The following KAT2B variants were observed in gnomAD, a reference collection of about 807,000 sequenced individuals.
The protein encoded by KAT2B is lysine acetyltransferase 2B, also known as histone acetyltransferase KAT2B.
Under a neutral mutation model 105.9 loss-of-function variants are expected in KAT2B, and 36 were observed. The observed-to-expected ratio is 0.34, with a 90% confidence interval of 0.26 to 0.45. The LOEUF is 0.45. Among genes scored for constraint, KAT2B ranks in the 20% least tolerant of loss-of-function variants. The pLI, the probability that KAT2B is intolerant of heterozygous loss-of-function variation, is 1.00. For synonymous variants in KAT2B, 397 were observed against 377.9 expected (o/e 1.05, Z -0.59); for missense variants, 820 against 1,021.6 (o/e 0.80, Z 2.69).
chr3:20,145,255 C>A (rs1463517686), intron 13 of KAT2B, among the ~76,000 whole-genome samples: 1 of 152,066 alleles, frequency 6.6e-6, no homozygotes, highest in Non-Finnish European at 1.5e-5. Context: ...TTTAAAAATG[C>A]GGCTAGTAGA....
chr3:20,073,475 T>G (rs1341980633), intron 2 of KAT2B, among the ~76,000 whole-genome samples: 1 of 152,210 alleles, frequency 6.6e-6, no homozygotes, highest in Admixed American at 6.5e-5. Flanking sequence ...AGAGAGTATT[T>G]CAATATTTAC....
intron 17 of KAT2B, 107 bp from the exon 18 acceptor site, chr3:20,152,225 T>C: frequency 7.5e-6 from 5 of 670,262 alleles, no homozygotes; most frequent in Non-Finnish European, 1.2e-5. Flanking sequence ...ATTGGGATGA[T>C]AAAAATGTAA....
intron 13 of KAT2B, 71 bp downstream of exon 13, chr3:20,140,435 G>A: frequency 6.6e-7 from 1 of 1,507,730 alleles, no homozygotes; most frequent in Non-Finnish European, 9.1e-7. Context: ...CATTTCCTTG[G>A]GTGCTGCGTG....
intron 13 of KAT2B, among the ~76,000 whole-genome samples, chr3:20,143,538 AC>A (rs1206293937): frequency 2.6e-5 from 4 of 152,158 alleles, no homozygotes; most frequent in Non-Finnish European, 5.9e-5. Context: ...CTGAGCATAT[AC>A]CCGAAGGAAA....
intron 1 of KAT2B, among the ~76,000 whole-genome samples, chr3:20,066,289 A>G (rs554452502): frequency 6.6e-6 from 1 of 152,264 alleles, no homozygotes; most frequent in Admixed American, 6.5e-5. Context: ...AACGCCAGTC[A>G]TTGGTTTTAG....
intron 5 of KAT2B, among the ~76,000 whole-genome samples, chr3:20,105,800 GAAA>G (rs35102951): frequency 3.2e-5 from 3 of 94,424 alleles, no homozygotes; most frequent in South Asian, 7.4e-4. Flanking sequence ...GACCCTGTCT[GAAA>G]AAAAAAAAAA....
chr3:20,120,229 T>G (rs1319924854), intron 8 of KAT2B, among the ~76,000 whole-genome samples: 2 of 152,088 alleles, frequency 1.3e-5, no homozygotes, highest in African/African-American at 4.8e-5. Context: ...TTTTTTCCTT[T>G]TCTTTTCTTT....
intron 12 of KAT2B, among the ~76,000 whole-genome samples, chr3:20,139,939 C>A (rs539643189): frequency 1.3e-5 from 2 of 152,282 alleles, no homozygotes; most frequent in African/African-American, 4.8e-5. Context: ...CAAAATTAAA[C>A]CTAATTTTTA....
In KAT2B at chr3:20,153,575, C is replaced by G. The variant is rs1699903197; in HGVS notation, c.*1050C>G. 1 of 152,552 alleles carries G rather than the reference C, an allele frequency of 6.6e-6. No individual in the cohort carries two copies. The highest frequency in any genetic ancestry group is 1.5e-5 in the Non-Finnish European group (1 of 67,992). The allele number at this position is 152,552 out of a possible 1,614,324, so 9.4% of individuals were successfully genotyped here. ...ATTTTAACACCCACATTAGTATATG[C>G]GTCCAGGGTCATAACCCCCTAAAAT... On this transcript the variant is annotated 3_prime_UTR_variant, in exon 18 of 18. Coordinates refer to ENST00000263754, the MANE Select transcript of KAT2B (RefSeq NM_003884.5).
intron 2 of KAT2B, among the ~76,000 whole-genome samples, chr3:20,077,475 A>C (rs1698439444): frequency 6.6e-6 from 1 of 152,256 alleles, no homozygotes; most frequent in South Asian, 2.1e-4. Context: ...ACAATACGGT[A>C]GCCACTGGCC....
At chr3:20,062,856 G>T (rs1016080444) in intron 1 of KAT2B, among the ~76,000 whole-genome samples, 3 of 151,930 alleles carry the variant, frequency 2.0e-5, no homozygotes, top group African/African-American at 7.3e-5. Flanking sequence ...CAAGTCCTTT[G>T]CCCATTGTAA....
intron 11 of KAT2B, among the ~76,000 whole-genome samples, chr3:20,136,372 G>T (rs1156467623): frequency 6.6e-6 from 1 of 152,164 alleles, no homozygotes; most frequent in African/African-American, 2.4e-5. Context: ...CTGATTCAGA[G>T]ATTCTGGGCT....
In KAT2B at chr3:20,154,313, G is replaced by A. The variant is rs1233883817; in HGVS notation, c.*1788G>A. The A allele has an allele frequency of 1.3e-5, 2 of 152,516 alleles. No homozygotes were observed. The highest frequency in any genetic ancestry group is 2.9e-5 in the Non-Finnish European group (2 of 68,006). The allele number at this position is 152,516 out of a possible 1,614,324, so 9.4% of individuals were successfully genotyped here. On this transcript the variant is annotated 3_prime_UTR_variant, in exon 18 of 18. Coordinates refer to ENST00000263754, the MANE Select transcript of KAT2B (RefSeq NM_003884.5). ...AGTAGAATGTGTGGTTTTTGCAAAT[G>A]CTTTAACAGCTGATAAAAATTTTAC...
intron 11 of KAT2B, among the ~76,000 whole-genome samples, chr3:20,136,266 T>G (rs988491794): frequency 2.6e-5 from 4 of 152,224 alleles, no homozygotes; most frequent in Non-Finnish European, 5.9e-5. Flanking sequence ...TCTGTAAGCT[T>G]TGTCACTGAA....
intron 1 of KAT2B, among the ~76,000 whole-genome samples, chr3:20,050,086 G>A (rs1232028120): frequency 1.3e-5 from 2 of 151,852 alleles, no homozygotes; most frequent in Non-Finnish European, 2.9e-5. Flanking sequence ...TATAGTCCCA[G>A]CTACTCAGAA....
rs563405304 is a variant in KAT2B at position 20,069,967 on chromosome 3, C to T, written c.304-2366C>T. 3.3e-5 allele frequency among the ~76,000 whole-genome samples: 5 copies of T among 152,318 alleles called. No homozygotes were observed. The East Asian group carries it at 9.7e-4, about 29-fold the overall frequency. Reference sequence around the variant, plus strand: ...AAGAACATGGCCTCTGAGATCTTTGCAACCTCTGAAGAGGTGGATGGTTCA... The same window carrying T: ...AAGAACATGGCCTCTGAGATCTTTGTAACCTCTGAAGAGGTGGATGGTTCA... On this transcript the variant is annotated intron_variant, in intron 1 of 17. Coordinates refer to ENST00000263754, the MANE Select transcript of KAT2B (RefSeq NM_003884.5).
chr3:20,109,864 G>T (rs1210889006), intron 5 of KAT2B, among the ~76,000 whole-genome samples: 1 of 152,124 alleles, frequency 6.6e-6, no homozygotes, highest in African/African-American at 2.4e-5. Context: ...GAAAAAAGTT[G>T]AGAGAAGACA....
intron 1 of KAT2B, among the ~76,000 whole-genome samples, chr3:20,068,070 C>T (rs1378280940): frequency 6.6e-6 from 1 of 151,576 alleles, no homozygotes; most frequent in Non-Finnish European, 1.5e-5. Flanking sequence ...AATCTTGGCT[C>T]ACTGCAACCT....
chr3:20,067,351 A>T (rs899866736), intron 1 of KAT2B, among the ~76,000 whole-genome samples: 8 of 152,090 alleles, frequency 5.3e-5, no homozygotes, highest in Non-Finnish European at 8.8e-5. Flanking sequence ...GAGTAGGGGA[A>T]ATATAAGACC....
Sources: allele counts gnomAD v4.1 joint callset (sites outside exome capture counted in the v4.1 genomes callset), GRCh38; gene constraint gnomAD v4.1.1; transcripts MANE v1.5; gene names NCBI Gene and HGNC (gene_info 2026-07-23, HGNC 2026-07-21).